The following TARDBP variants were observed in gnomAD, a reference collection of about 807,000 sequenced individuals.
TARDBP encodes the protein TAR DNA binding protein.
Under a neutral mutation model 38.3 loss-of-function variants are expected in TARDBP, and 4 were observed. That is an observed-to-expected ratio of 0.10 (90% CI 0.05 to 0.24). The LOEUF (loss-of-function observed/expected upper bound fraction) is 0.24, where lower values mean the gene tolerates loss of function less well. Ranked by LOEUF, TARDBP falls within the 10% of genes least tolerant of loss-of-function variation. TARDBP has a pLI of 1.00. For synonymous variants in TARDBP, 184 were observed against 183.8 expected (o/e 1.00, Z -0.01); for missense variants, 202 against 521.9 (o/e 0.39, Z 5.97).
chr1:11,021,432 C>T (rs1343318499), intron 5 of TARDBP, among the ~76,000 whole-genome samples: 6 of 151,936 alleles, frequency 3.9e-5, no homozygotes, highest in African/African-American at 7.3e-5. Flanking sequence ...TGAGCCACCA[C>T]GCCTGGCCAG....
intron 2 of TARDBP, 139 bp downstream of exon 2, chr1:11,014,104 T>C (rs1045805929): frequency 1.1e-6 from 1 of 875,844 alleles, no homozygotes. Flanking sequence ...TAGACAAGTT[T>C]GGAAGACCAC....
At chr1:11,014,432 T>C (rs1643474865) in intron 2 of TARDBP, among the ~76,000 whole-genome samples, 1 of 152,222 alleles carries the variant, frequency 6.6e-6, no homozygotes, top group Admixed American at 6.5e-5. Context: ...TCTGGTCTTA[T>C]CCTTCTCTCT....
intron 5 of TARDBP, among the ~76,000 whole-genome samples, chr1:11,021,698 G>A (rs1411100914): frequency 6.6e-6 from 1 of 152,158 alleles, no homozygotes; most frequent in Non-Finnish European, 1.5e-5. Context: ...CAGCCTCCAG[G>A]GGGAGGATCC....
chr1:11,022,566 G>A lies in TARDBP; in HGVS notation c.1157G>A (p.Gly386Glu). Residue 386 changes from glycine to glutamate, a missense_variant, in exon 6 of 6, where the codon GGA (glycine) becomes GAA (glutamate). Gly to Glu is a moderately conservative substitution (Grantham distance 98, BLOSUM62 -2). Transcript: ENST00000240185. The surrounding 1 kb of genome is among the most constrained non-coding windows in gnomAD (Gnocchi z 4.5). ...AATTCTGGTGCAGCAATTGGTTGGG[G>A]ATCAGCATCCAATGCAGGGTCGGGC... ...GSNSGAAIGW[G>E]SASNAGSGSG... The A allele has an allele frequency of 6.3e-7, 1 of 1,582,516 alleles. No homozygotes were observed. Among genetic ancestry groups the A allele is most frequent in the Non-Finnish European group, 8.6e-7 (1 of 1,162,106 alleles).
rs776417983 is a variant in TARDBP, at chr1:11,023,210, G to A, written c.*556G>A. 2 of 1,550,422 alleles carry A rather than the reference G, an allele frequency of 1.3e-6. No individual in the cohort carries two copies. The highest frequency in any genetic ancestry group is 1.7e-6 in the Non-Finnish European group (2 of 1,146,812). On this transcript the variant is annotated 3_prime_UTR_variant, in exon 6 of 6. Coordinates refer to ENST00000240185, the MANE Select transcript of TARDBP (RefSeq NM_007375.4). ...CTCTGCAGTTCATCTCATTTCAAATGTTTATGGAAGAAGCACTTCATTGAA... is the reference window on the plus strand; with the variant it reads ...CTCTGCAGTTCATCTCATTTCAAATATTTATGGAAGAAGCACTTCATTGAA...
At chr1:11,012,788 G>A (rs1030406093) in intron 1 of TARDBP, 45 bp downstream of exon 1, 21 of 152,358 alleles carry the variant, frequency 1.4e-4, no homozygotes, top group African/African-American at 4.6e-4. Context: ...AGGTGCCTCG[G>A]CTTCTGCATT....
chr1:11,021,857 T>C (rs1287624796), intron 5 of TARDBP, among the ~76,000 whole-genome samples: 1 of 151,970 alleles, frequency 6.6e-6, no homozygotes, highest in Non-Finnish European at 1.5e-5. Context: ...CCTCACACAG[T>C]CCTCCCACCT....
At chr1:11,025,715 A>G (rs1476757535), downstream of TARDBP, 1 of 152,374 alleles carries the variant, frequency 6.6e-6, no homozygotes, top group African/African-American at 2.4e-5. Flanking sequence ...AAAAACTTGA[A>G]TGTTAGCTAT....
chr1:11,019,127 GTTAT>G, intron 4 of TARDBP: 2 of 510,262 alleles, frequency 3.9e-6, no homozygotes, highest in South Asian at 2.1e-5. Context: ...AAGAGAAAAG[GTTAT>G]TTGTCAAGTT....
chr1:11,013,940 G>C lies in TARDBP; in HGVS notation c.213G>C (p.Leu71=). The change falls in exon 2 of 6, where the codon CTG becomes CTC. Residue 71 remains leucine, a synonymous_variant. Transcript: ENST00000240185. ...LHAPDAGWGN[L]VYVVNYPKDN... is the part of the protein sequence containing the mutation. ...CCCCAGATGCTGGCTGGGGAAATCT[G>C]GTGTATGTTGTCAACTATCCAAAAG... 6.2e-7 allele frequency: 1 copy of C among 1,614,164 alleles called. No homozygotes were observed.
chr1:11,014,244 A>G (rs1643471259), intron 2 of TARDBP, among the ~76,000 whole-genome samples: 1 of 152,248 alleles, frequency 6.6e-6, no homozygotes, highest in African/African-American at 2.4e-5. Context: ...TGTTTTGTAC[A>G]TAAATCATTG....
downstream of TARDBP, among the ~76,000 whole-genome samples, chr1:11,028,574 T>C (rs1018285630): frequency 2.0e-5 from 3 of 152,200 alleles, no homozygotes; most frequent in Non-Finnish European, 2.9e-5. Flanking sequence ...GCATATATGT[T>C]TGCTGTTGTG....
chr1:11,018,287 C>T (rs1432665273), intron 3 of TARDBP: 1 of 220,706 alleles, frequency 4.5e-6, no homozygotes, highest in African/African-American at 2.3e-5. Flanking sequence ...CTCCTGGGTT[C>T]AAGCTATTCT....
At chr1:11,027,886 T>A (rs1643766419), downstream of TARDBP, among the ~76,000 whole-genome samples, 1 of 152,204 alleles carries the variant, frequency 6.6e-6, no homozygotes, top group South Asian at 2.1e-4. Flanking sequence ...GAAAACTGAC[T>A]TTTAGAAGTT....
intron 5 of TARDBP, among the ~76,000 whole-genome samples, chr1:11,020,864 A>G (rs1420765708): frequency 6.6e-6 from 1 of 151,968 alleles, no homozygotes; most frequent in Non-Finnish European, 1.5e-5. Flanking sequence ...CAGTGAACTG[A>G]GATCACACCA....
At chr1:11,017,567 A>G (rs919699035) in intron 3 of TARDBP, among the ~76,000 whole-genome samples, 1 of 152,098 alleles carries the variant, frequency 6.6e-6, no homozygotes, top group Non-Finnish European at 1.5e-5. Flanking sequence ...TATTTGTTAT[A>G]TTTATACATA....
intron 4 of TARDBP, 64 bp downstream of exon 4, chr1:11,018,937 A>G: frequency 6.2e-7 from 1 of 1,608,644 alleles, no homozygotes; most frequent in Non-Finnish European, 8.5e-7. Flanking sequence ...GTAAGATAAA[A>G]TGTTAAACAC....
Position 11,023,300 on chromosome 1 carries a change from C to A in TARDBP, c.*646C>A. 6.5e-7 allele frequency: 1 copy of A among 1,534,294 alleles called. No homozygotes were observed. The highest frequency in any genetic ancestry group is 1.2e-5 in the South Asian group (1 of 83,282). On this transcript the variant is annotated 3_prime_UTR_variant, in exon 6 of 6. Coordinates refer to ENST00000240185, the MANE Select transcript of TARDBP (RefSeq NM_007375.4). ...CATGCTTTCTCATTCAAGAATTCGT[C>A]ATCACGCATCACAGGCCGCGTCTTT...
Position 11,023,345 on chromosome 1 carries a change from T to G in TARDBP, c.*691T>G. The G allele has an allele frequency of 7.9e-7, 1 of 1,267,970 alleles. No homozygotes were observed. Among genetic ancestry groups the G allele is most frequent in the Non-Finnish European group, 1.1e-6 (1 of 893,632 alleles). 78.5% of individuals were successfully genotyped at this position (1,267,970 alleles called of 1,614,324 possible). Reference sequence around the variant, plus strand: ...GTCTTTGACGGTGGGTGTCCCATTTTTATCCGCTACTCTTTATTTCATGGA... The same window carrying G: ...GTCTTTGACGGTGGGTGTCCCATTTGTATCCGCTACTCTTTATTTCATGGA... On this transcript the variant is annotated 3_prime_UTR_variant, in exon 6 of 6. Transcript: ENST00000240185.
Sources: gnomAD v4.1 joint callset for allele counts (sites outside exome capture counted in the v4.1 genomes callset) on GRCh38, gnomAD v4.1.1 for gene constraint, Gnocchi (gnomAD v3.1) non-coding constraint, MANE v1.5 for transcripts, NCBI Gene and HGNC (gene_info 2026-07-23, HGNC 2026-07-21) for gene names.